The following SGCZ variants were observed in gnomAD, a reference collection of about 807,000 sequenced individuals.
SGCZ encodes zeta-sarcoglycan.
SGCZ carries 40 observed loss-of-function variants against 41.3 expected under a neutral mutation model. That is an observed-to-expected ratio of 0.97 (90% confidence interval 0.75 to 1.26). SGCZ has a LOEUF of 1.26. Ranked by LOEUF, SGCZ falls within the 50% of genes most tolerant of loss-of-function variation. The pLI, the probability that SGCZ is intolerant of heterozygous loss-of-function variation, is 0.00. For synonymous variants in SGCZ, 206 were observed against 137.5 expected (o/e 1.50, Z -3.49); for missense variants, 552 against 369.8 (o/e 1.49, Z -4.04).
chr8:14,103,568 C>A (rs1235823229), intron 6 of SGCZ, among the ~76,000 whole-genome samples: 2 of 152,094 alleles, frequency 1.3e-5, no homozygotes, highest in East Asian at 3.9e-4. Context: ...TCCCTCTCAG[C>A]AAGAAAGTGA....
Position 14,848,886 on chromosome 8 carries a change from T to A in SGCZ, c.40-293960A>T, listed in dbSNP as rs149691265. Reference sequence around the variant, plus strand: ...AACTTTTGCTCTTTAAATGACATGGTTAAGAAAATGCAAAGACAAGCTACA... The same window carrying A: ...AACTTTTGCTCTTTAAATGACATGGATAAGAAAATGCAAAGACAAGCTACA... On this transcript the variant is annotated intron_variant, in intron 1 of 7. Coordinates refer to ENST00000382080, the MANE Select transcript of SGCZ (RefSeq NM_139167.4). Among the ~76,000 whole-genome samples, 658 of 152,186 alleles carry A rather than the reference T, an allele frequency of 4.3e-3. 5 individuals are homozygous for A. The highest frequency in any genetic ancestry group is 0.018 in the South Asian group (86 of 4,820).
intron 3 of SGCZ, among the ~76,000 whole-genome samples, chr8:14,262,476 G>A (rs181869246): frequency 1.4e-3 from 211 of 152,036 alleles, no homozygotes; most frequent in African/African-American, 5.0e-3. Context: ...ATTTAAAGTG[G>A]AATACCCACA....
intron 2 of SGCZ, among the ~76,000 whole-genome samples, chr8:14,452,617 G>T (rs973252171): frequency 6.6e-6 from 1 of 152,064 alleles, no homozygotes; most frequent in Non-Finnish European, 1.5e-5. Context: ...GGGTGGTTAT[G>T]ATGTTCCATG....
intron 5 of SGCZ, among the ~76,000 whole-genome samples, chr8:14,110,615 A>G (rs1802343137): frequency 6.6e-6 from 1 of 152,176 alleles, no homozygotes; most frequent in Admixed American, 6.6e-5. Flanking sequence ...AGGCCTCTAG[A>G]AAATGAGAAA....
chr8:14,617,329 C>G (rs944953767), intron 1 of SGCZ, among the ~76,000 whole-genome samples: 3 of 151,988 alleles, frequency 2.0e-5, no homozygotes, highest in Non-Finnish European at 4.4e-5. Context: ...ACATTAGGGT[C>G]CCTGGGAACA....
At chr8:14,303,814 C>T (rs1037954532) in intron 3 of SGCZ, among the ~76,000 whole-genome samples, 9 of 152,022 alleles carry the variant, frequency 5.9e-5, no homozygotes, top group Non-Finnish European at 8.8e-5. Flanking sequence ...TGAAGTGGCG[C>T]GATCTCGGCT....
intron 3 of SGCZ, among the ~76,000 whole-genome samples, chr8:14,271,760 G>C (rs1319666769): frequency 6.6e-6 from 1 of 152,094 alleles, no homozygotes; most frequent in East Asian, 1.9e-4. Flanking sequence ...TAAAACCTCA[G>C]CTGTCCAAGT....
Position 14,907,283 on chromosome 8 carries a change from C to T in SGCZ, c.39+330302G>A, listed in dbSNP as rs1219463458. Among the ~76,000 whole-genome samples the T allele has an allele frequency of 2.0e-5, 3 of 152,202 alleles. No individual in the cohort carries two copies. The East Asian group carries it at 5.8e-4, about 30-fold the overall frequency. ...AATCATGGCTCACCGCAGCCTTGTA[C>T]TTATGGCCTCAAGGGATCCTCTCAC... On this transcript the variant is annotated intron_variant, in intron 1 of 7. Coordinates refer to ENST00000382080, the MANE Select transcript of SGCZ (RefSeq NM_139167.4).
chr8:14,911,443 A>C (rs1799277633), intron 1 of SGCZ, among the ~76,000 whole-genome samples: 1 of 152,072 alleles, frequency 6.6e-6, no homozygotes, highest in Non-Finnish European at 1.5e-5. Flanking sequence ...ACACTGAAGA[A>C]AGTATTTGGT....
At position 14,352,008 on chromosome 8, in the gene SGCZ, G is replaced by A. The variant is rs189412724; in HGVS notation, c.235-27804C>T. On this transcript the variant is annotated intron_variant, in intron 2 of 7. Coordinates refer to ENST00000382080, the MANE Select transcript of SGCZ (RefSeq NM_139167.4). ...TTACAATTATTTAGATATATTGTAT[G>A]AAATACATAGCACGGTACCTTATTT... Among the ~76,000 whole-genome samples the A allele has an allele frequency of 1.0e-3, 158 of 152,162 alleles. 2 individuals carry two copies. The highest frequency in any genetic ancestry group is 6.8e-3 in the Middle Eastern group (2 of 294).
At chr8:14,685,881 A>C (rs1409129084) in intron 1 of SGCZ, among the ~76,000 whole-genome samples, 9 of 152,182 alleles carry the variant, frequency 5.9e-5, no homozygotes, top group Non-Finnish European at 1.3e-4. Flanking sequence ...AAGAGCATTC[A>C]TCTAGTTTAC....
chr8:14,569,385 C>G (rs574532879), intron 1 of SGCZ, among the ~76,000 whole-genome samples: 1 of 152,134 alleles, frequency 6.6e-6, no homozygotes. Flanking sequence ...TTCTGTTATA[C>G]CAAAATAATT....
chr8:14,936,738 AG>A (rs1800096802), intron 1 of SGCZ, among the ~76,000 whole-genome samples: 1 of 151,954 alleles, frequency 6.6e-6, no homozygotes, highest in Admixed American at 6.6e-5. Flanking sequence ...TTTAAATTAG[AG>A]TGGTTAAATA....
chr8:14,563,185 C>T (rs1051786322), intron 1 of SGCZ, among the ~76,000 whole-genome samples: 1 of 152,152 alleles, frequency 6.6e-6, no homozygotes, highest in Non-Finnish European at 1.5e-5. Context: ...CAAGCTTGCT[C>T]TGTGTGGATT....
At chr8:14,283,103 C>G (rs886589726) in intron 3 of SGCZ, among the ~76,000 whole-genome samples, 1 of 151,970 alleles carries the variant, frequency 6.6e-6, no homozygotes, top group Non-Finnish European at 1.5e-5. Flanking sequence ...CCCGCCTCGG[C>G]CTTCCAAAGT....
chr8:14,649,197 C>A (rs1470198), intron 1 of SGCZ, among the ~76,000 whole-genome samples: 67,526 of 151,924 alleles, frequency 0.44, 15,656 homozygotes, highest in East Asian at 0.76. Context: ...TCAGACAGGG[C>A]TAGGTACTTA....
intron 2 of SGCZ, among the ~76,000 whole-genome samples, chr8:14,429,389 A>G (rs1054017045): frequency 6.6e-6 from 1 of 152,188 alleles, no homozygotes; most frequent in Admixed American, 6.5e-5. Flanking sequence ...AGCTAGGGCA[A>G]AGTCACAAAC....
chr8:14,318,293 A>G (rs1801783508), intron 3 of SGCZ, among the ~76,000 whole-genome samples: 1 of 151,920 alleles, frequency 6.6e-6, no homozygotes, highest in South Asian at 2.1e-4. Flanking sequence ...CCTACCTAAT[A>G]CTATACATCA....
chr8:14,814,909 T>C (rs1170619840), intron 1 of SGCZ, among the ~76,000 whole-genome samples: 1 of 152,208 alleles, frequency 6.6e-6, no homozygotes, highest in Non-Finnish European at 1.5e-5. Flanking sequence ...TAGTTGCTAT[T>C]TCATCCTAAT....
Sources: allele counts gnomAD v4.1 joint callset (sites outside exome capture counted in the v4.1 genomes callset), GRCh38; gene constraint gnomAD v4.1.1; transcripts MANE v1.5; gene names NCBI Gene and HGNC (gene_info 2026-07-23, HGNC 2026-07-21).